MORN1: variants seen among roughly 807,000 people sequenced by gnomAD.
MORN1 encodes MORN repeat containing 1.
Under a neutral mutation model 61.9 loss-of-function variants are expected in MORN1, and 67 were observed. That is an observed-to-expected ratio of 1.08 (90% CI 0.89 to 1.33). The LOEUF (loss-of-function observed/expected upper bound fraction) is 1.33, where lower values mean the gene tolerates loss of function less well. MORN1 is among the 40% of genes most tolerant of loss of function. MORN1 has a pLI of 0.00. For synonymous variants in MORN1, 301 were observed against 292.0 expected (o/e 1.03, Z -0.31); for missense variants, 752 against 691.2 (o/e 1.09, Z -0.99).
chr1:2,325,039 C>T (rs994461505), intron 12 of MORN1, among the ~76,000 whole-genome samples: 1 of 151,106 alleles, frequency 6.6e-6, no homozygotes, highest in African/African-American at 2.4e-5. Context: ...GTGTGGACAC[C>T]CACCCTCCTC....
chr1:2,361,385 C>T (rs888905021), intron 8 of MORN1, among the ~76,000 whole-genome samples: 4 of 151,968 alleles, frequency 2.6e-5, no homozygotes, highest in East Asian at 1.9e-4. Flanking sequence ...GTCAAAACCC[C>T]GTCTCTACTA....
chr1:2,323,665 C>T (rs61762083), intron 13 of MORN1: 42,833 of 985,230 alleles, frequency 0.043, 981 homozygotes, highest in Non-Finnish European at 0.047. Flanking sequence ...GCAGCCCCCA[C>T]GCTGGGAGGA....
Position 2,324,094 on chromosome 1 carries a change from T to C in MORN1, c.1297+3A>G, listed in dbSNP as rs549839780. Reference sequence around the variant, plus strand: ...GCGATGGACTTGGGCCCTGTCCACCTACCTAGGTGTGCTGCCGCAGCCTGC... The same window carrying C: ...GCGATGGACTTGGGCCCTGTCCACCCACCTAGGTGTGCTGCCGCAGCCTGC... On this transcript the variant is annotated splice_donor_region_variant and intron_variant, in intron 13 of 13. Transcript: ENST00000378531. The C allele has an allele frequency of 1.7e-4, 279 of 1,597,336 alleles. 1 individual carries two copies. The highest frequency in any genetic ancestry group is 4.5e-4 in the Admixed American group (26 of 57,318).
intron 13 of MORN1, 109 bp from the exon 14 acceptor site, chr1:2,321,688 C>G: frequency 7.5e-7 from 1 of 1,338,356 alleles, no homozygotes; most frequent in South Asian, 1.6e-5. Context: ...GTGCCCCCGA[C>G]CCTGGTCATC....
At position 2,337,210 on chromosome 1, in the gene MORN1, C is replaced by T. The variant is rs1641300030; in HGVS notation, c.1037-360G>A. On this transcript the variant is annotated intron_variant, in intron 10 of 13. Coordinates refer to ENST00000378531, the MANE Select transcript of MORN1 (RefSeq NM_024848.3). This position sits in a 1 kb window ranked among gnomAD's most constrained non-coding sequence, Gnocchi z 5.7. ...GGTAGGGCCGGGACCGGGGCCCTGG[C>T]CGGAGAGGCTGGCGCTCAACAGTAC... Among the ~76,000 whole-genome samples, 1 of 152,200 alleles carries T rather than the reference C, an allele frequency of 6.6e-6. No individual in the cohort carries two copies. Among genetic ancestry groups the T allele is most frequent in the Non-Finnish European group, 1.5e-5 (1 of 68,026 alleles).
rs573899981 is a variant in MORN1 at position 2,336,988 on chromosome 1, GC to G, written c.1037-139del. 3.6e-4 allele frequency: 370 copies of G among 1,038,506 alleles called. 8 individuals are homozygous for G. The South Asian group carries it at 9.3e-3, about 26-fold the overall frequency. The allele number at this position is 1,038,506 out of a possible 1,614,324, so 64.3% of individuals were successfully genotyped here. On this transcript the variant is annotated intron_variant, in intron 10 of 13. Coordinates refer to ENST00000378531, the MANE Select transcript of MORN1 (RefSeq NM_024848.3). ...CAGTCGCGATGCCATCTTGGTGGGGGCAGGTCAGGGGGCAGGGACTGTCCAT... is the reference window on the plus strand; with the variant it reads ...CAGTCGCGATGCCATCTTGGTGGGGGAGGTCAGGGGGCAGGGACTGTCCAT...
intron 13 of MORN1, chr1:2,323,875 G>A: frequency 1.0e-6 from 1 of 985,226 alleles, no homozygotes; most frequent in Non-Finnish European, 1.2e-6. Flanking sequence ...TGTCGGCCCA[G>A]CTTCAAATCT....
chr1:2,361,525 T>G (rs1161090436), intron 8 of MORN1, among the ~76,000 whole-genome samples: 1 of 147,788 alleles, frequency 6.8e-6, no homozygotes, highest in African/African-American at 2.6e-5. Context: ...ACTACTGCAC[T>G]CCAGCCTGGG....
chr1:2,324,381 A>G (rs1011468150), intron 12 of MORN1, among the ~76,000 whole-genome samples: 4 of 152,148 alleles, frequency 2.6e-5, no homozygotes, highest in African/African-American at 9.6e-5. Context: ...CTTTGTCTAA[A>G]TTCTTGATGT....
intron 10 of MORN1, chr1:2,355,272 G>A (rs1041364072): frequency 1.1e-5 from 16 of 1,429,986 alleles, no homozygotes; most frequent in East Asian, 2.6e-5. Context: ...AAGGGGGCGC[G>A]GGCCGGGCCC....
In MORN1 at chr1:2,342,128, T is replaced by C. The variant is rs76961719; in HGVS notation, c.1037-5278A>G. Among the ~76,000 whole-genome samples, 787 of 152,376 alleles carry C rather than the reference T, an allele frequency of 5.2e-3. 31 individuals carry two copies. The East Asian group carries it at 0.08, about 15-fold the overall frequency. The stretch of plus-strand genomic sequence containing the variant: ...TTTATAAGCAAGATAAAGGTCACCG[T>C]ACGACCTCGGGGGCCTCGGGAACCG... On this transcript the variant is annotated intron_variant, in intron 10 of 13. Coordinates refer to ENST00000378531, the MANE Select transcript of MORN1 (RefSeq NM_024848.3).
chr1:2,374,854 T>A, intron 6 of MORN1: 2 of 329,180 alleles, frequency 6.1e-6, no homozygotes, highest in Non-Finnish European at 5.6e-6. Context: ...AGGGGCACAT[T>A]TCAGCAAAAA....
At chr1:2,349,215 C>T (rs1447540361) in intron 10 of MORN1, among the ~76,000 whole-genome samples, 1 of 152,160 alleles carries the variant, frequency 6.6e-6, no homozygotes, top group African/African-American at 2.4e-5. Flanking sequence ...GAAAGAACCT[C>T]AGAGAAGAGA....
intron 10 of MORN1, among the ~76,000 whole-genome samples, chr1:2,342,469 C>T (rs1486123932): frequency 6.6e-6 from 1 of 152,258 alleles, no homozygotes; most frequent in Non-Finnish European, 1.5e-5. Flanking sequence ...TTGGAGGTGA[C>T]CAGACACAGG....
Position 2,336,790 on chromosome 1 carries a change from T to C in MORN1, c.1097A>G (p.Glu366Gly). ...ACQRVEQGCA[E>G]FTDVLLGPPP... ...CGGCCCCAGGAGGACATCTGTGAAC[T>C]CGGCACAGCCCTGCTCCACTCGCTG... Residue 366 changes from glutamate (E) to glycine (G), a missense_variant, in exon 11 of 14, where the codon GAG becomes GGG. Glu to Gly is a moderately conservative substitution (Grantham distance 98). Coordinates refer to ENST00000378531, the MANE Select transcript of MORN1 (RefSeq NM_024848.3). 6.2e-7 allele frequency: 1 copy of C among 1,605,772 alleles called. No individual in the cohort carries two copies. Among genetic ancestry groups the C allele is most frequent in the Non-Finnish European group, 8.5e-7 (1 of 1,176,636 alleles).
chr1:2,388,604 C>CA, intron 2 of MORN1: 4 of 398,332 alleles, frequency 1.0e-5, no homozygotes, highest in South Asian at 5.5e-5. Context: ...ACGGAGAGAC[C>CA]CCGTCTCTAC....
chr1:2,330,396 G>A (rs1414312059), intron 12 of MORN1, among the ~76,000 whole-genome samples: 2 of 152,214 alleles, frequency 1.3e-5, no homozygotes, highest in African/African-American at 4.8e-5. Flanking sequence ...AGGGAGGAAC[G>A]GGTCGGTGTC....
At position 2,325,254 on chromosome 1, in the gene MORN1, CCT is replaced by C. The variant is rs369418850; in HGVS notation, c.1251-1113_1251-1112del. Among the ~76,000 whole-genome samples, 28 of 122,580 alleles carry C rather than the reference CCT, an allele frequency of 2.3e-4. 1 individual carries two copies. Among genetic ancestry groups the C allele is most frequent in the African/African-American group, 8.2e-4 (25 of 30,360 alleles). The allele number at this position is 122,580 out of a possible 152,430, so 80.4% of individuals were successfully genotyped here. The stretch of plus-strand genomic sequence containing the variant: ...TTGTTCCTTCTTCCTCTCTCTCTCT[CCT>C]CTCTCTCTCTGCCTCTCTTTCTCTC... On this transcript the variant is annotated intron_variant, in intron 12 of 13. Transcript: ENST00000378531.
At chr1:2,370,003 A>G (rs1178173489) in intron 8 of MORN1, among the ~76,000 whole-genome samples, 1 of 152,220 alleles carries the variant, frequency 6.6e-6, no homozygotes, top group Non-Finnish European at 1.5e-5. Flanking sequence ...TTAAAATTTT[A>G]TACAGAAATG....
Sources: allele counts gnomAD v4.1 joint callset (sites outside exome capture counted in the v4.1 genomes callset), GRCh38; gene constraint gnomAD v4.1.1; non-coding constraint Gnocchi (gnomAD v3.1); transcripts MANE v1.5; gene names NCBI Gene and HGNC (gene_info 2026-07-23, HGNC 2026-07-21).